DOCK4: variants seen among roughly 807,000 people sequenced by gnomAD.
DOCK4 encodes the protein dedicator of cytokinesis 4.
A neutral mutation model predicts 268.1 loss-of-function variants in DOCK4; 97 were observed. That is an observed-to-expected ratio of 0.36 (90% confidence interval 0.31 to 0.43). The LOEUF (loss-of-function observed/expected upper bound fraction) is 0.43. Among genes scored for constraint, DOCK4 ranks in the 20% least tolerant of loss-of-function variants. DOCK4 has a pLI of 1.00. For missense variants in DOCK4, 2,145 were observed against 2,455.7 expected, an observed-to-expected ratio of 0.87 and a Z score of 2.67; for synonymous variants, 954 against 887.2, an observed-to-expected ratio of 1.08 and a Z score of -1.34.
intron 22 of DOCK4, 130 bp from the exon 23 acceptor site, chr7:111,863,694 G>T: frequency 2.0e-6 from 2 of 990,108 alleles, no homozygotes; most frequent in South Asian, 2.2e-5. Context: ...AAATGTTTCT[G>T]TTACCTAAAG....
intron 8 of DOCK4, among the ~76,000 whole-genome samples, chr7:111,962,019 T>C (rs1249642506): frequency 6.6e-6 from 1 of 152,178 alleles, no homozygotes; most frequent in Non-Finnish European, 1.5e-5. Flanking sequence ...TCACAGGGAA[T>C]TCATAACCAA....
At chr7:111,734,092 C>G (rs1352341267) in intron 51 of DOCK4, among the ~76,000 whole-genome samples, 1 of 152,096 alleles carries the variant, frequency 6.6e-6, no homozygotes, top group Non-Finnish European at 1.5e-5. Flanking sequence ...TGTGTGCCAC[C>G]ATGCCTGGCT....
At chr7:112,032,796 T>C (rs1041871140) in intron 1 of DOCK4, among the ~76,000 whole-genome samples, 1 of 152,184 alleles carries the variant, frequency 6.6e-6, no homozygotes, top group Non-Finnish European at 1.5e-5. Context: ...ATGTACTACC[T>C]TTTATTCTAG....
At chr7:112,149,045 T>C (rs138098865) in intron 1 of DOCK4, among the ~76,000 whole-genome samples, 2 of 152,188 alleles carry the variant, frequency 1.3e-5, no homozygotes, top group African/African-American at 4.8e-5. Flanking sequence ...TCCTAATTAT[T>C]TGAACTTTTA....
At chr7:111,766,384 C>T (rs1207039270) in intron 38 of DOCK4, among the ~76,000 whole-genome samples, 1 of 151,700 alleles carries the variant, frequency 6.6e-6, no homozygotes, top group African/African-American at 2.4e-5. Context: ...TTTTAGAAAC[C>T]CTGAAGAACT....
In DOCK4 at chr7:112,066,817, A is replaced by G. The variant is rs531600771; in HGVS notation, c.38-62686T>C. Among the ~76,000 whole-genome samples, 10 of 145,618 alleles carry G rather than the reference A, an allele frequency of 6.9e-5. 1 individual carries two copies. Among genetic ancestry groups the G allele is most frequent in the African/African-American group, 2.6e-4 (10 of 39,088 alleles). ...CCTGCAAGTGGCGAGTTCAAAGATG[A>G]CTTCATGTCTCTTCTTTTTATCTCA... On this transcript the variant is annotated intron_variant, in intron 1 of 52. Coordinates refer to ENST00000428084, the MANE Select transcript of DOCK4 (RefSeq NM_001363540.2).
intron 26 of DOCK4, among the ~76,000 whole-genome samples, chr7:111,833,470 G>A (rs369677304): frequency 9.8e-4 from 149 of 152,126 alleles, no homozygotes; most frequent in African/African-American, 3.5e-3. Context: ...TCTGAGCCTA[G>A]GAGTTTCAGG....
intron 25 of DOCK4, among the ~76,000 whole-genome samples, chr7:111,836,292 C>T (rs1803237275): frequency 6.6e-6 from 1 of 151,322 alleles, no homozygotes; most frequent in Non-Finnish European, 1.5e-5. Context: ...TTCCTTAGTA[C>T]TGGAGAAAAA....
rs375757390 is a variant in DOCK4, at chr7:112,205,840, T to C, written c.37+262A>G. On this transcript the variant is annotated intron_variant, in intron 1 of 52. Coordinates refer to ENST00000428084, the MANE Select transcript of DOCK4 (RefSeq NM_001363540.2). ...AAACTCCGCAGGCAGAGCCCGAAGC[T>C]AGCGGGCCGGCCGCGCGCTCCCCCA... Among the ~76,000 whole-genome samples, 14 of 152,042 alleles carry C rather than the reference T, an allele frequency of 9.2e-5. No homozygotes were observed. The East Asian group carries it at 1.8e-3, about 19-fold the overall frequency.
At chr7:112,079,652 C>T (rs920677223) in intron 1 of DOCK4, among the ~76,000 whole-genome samples, 1 of 152,138 alleles carries the variant, frequency 6.6e-6, no homozygotes, top group African/African-American at 2.4e-5. Context: ...AGCTCTGGTA[C>T]TTTAAGAGTT....
At chr7:112,044,073 T>A (rs979045534) in intron 1 of DOCK4, among the ~76,000 whole-genome samples, 1 of 150,492 alleles carries the variant, frequency 6.6e-6, no homozygotes, top group Non-Finnish European at 1.5e-5. Context: ...ACTATTATTA[T>A]CAATTGCAGT....
intron 1 of DOCK4, among the ~76,000 whole-genome samples, chr7:112,116,655 T>A (rs1210614963): frequency 6.6e-6 from 1 of 152,218 alleles, no homozygotes; most frequent in African/African-American, 2.4e-5. Context: ...ACCAAGGCAA[T>A]GAAGAGTGAA....
chr7:112,109,776 G>A (rs26846), intron 1 of DOCK4, among the ~76,000 whole-genome samples: 1 of 127,064 alleles, frequency 7.9e-6, no homozygotes, highest in African/African-American at 3.7e-5. Flanking sequence ...ACGGAGTCTC[G>A]CTCTGTCGCC....
chr7:111,898,633 T>C (rs1294424933), intron 15 of DOCK4, among the ~76,000 whole-genome samples: 4 of 152,216 alleles, frequency 2.6e-5, no homozygotes, highest in Non-Finnish European at 4.4e-5. Context: ...CATGAATAAC[T>C]GATGTTTTTG....
intron 1 of DOCK4, among the ~76,000 whole-genome samples, chr7:112,164,683 A>G (rs954059180): frequency 6.6e-6 from 1 of 152,168 alleles, no homozygotes; most frequent in Non-Finnish European, 1.5e-5. Context: ...ATTTTTAAAA[A>G]CCTTTCTGGG....
chr7:112,039,721 C>CA (rs1007342321), intron 1 of DOCK4, among the ~76,000 whole-genome samples: 24 of 148,978 alleles, frequency 1.6e-4, no homozygotes, highest in East Asian at 3.9e-4. Context: ...GAGTTTTTCT[C>CA]AAAAAAAAAA....
chr7:112,001,196 T>A (rs962831203), intron 2 of DOCK4, among the ~76,000 whole-genome samples: 1 of 152,332 alleles, frequency 6.6e-6, no homozygotes, highest in South Asian at 2.1e-4. Flanking sequence ...ACTATTATAG[T>A]AGGCCCTTCT....
intron 1 of DOCK4, among the ~76,000 whole-genome samples, chr7:112,166,500 C>T (rs372803687): frequency 3.1e-4 from 47 of 152,304 alleles, no homozygotes; most frequent in African/African-American, 1.1e-3. Context: ...GGAAGACTTA[C>T]ACATTTACTT....
At chr7:112,022,195 C>T (rs1409682777) in intron 1 of DOCK4, among the ~76,000 whole-genome samples, 1 of 152,228 alleles carries the variant, frequency 6.6e-6, no homozygotes, top group Non-Finnish European at 1.5e-5. Flanking sequence ...ATCACTCACT[C>T]AATGTTTACT....
Sources: allele counts gnomAD v4.1 joint callset (sites outside exome capture counted in the v4.1 genomes callset), GRCh38; gene constraint gnomAD v4.1.1; transcripts MANE v1.5; gene names NCBI Gene and HGNC (gene_info 2026-07-23, HGNC 2026-07-21).